The following MAP3K2 variants were observed in gnomAD, a reference collection of about 807,000 sequenced individuals.
MAP3K2 encodes MAP/ERK kinase kinase 2.
In MAP3K2, 24 loss-of-function variants were observed where a neutral mutation model predicts 80.3. The ratio of observed to expected loss-of-function variants is 0.30; its 90% confidence interval spans 0.22 to 0.42. The LOEUF is 0.42. Among genes scored for constraint, MAP3K2 ranks in the 10% least tolerant of loss-of-function variants. The pLI is 1.00. For missense variants in MAP3K2, 608 were observed against 750.1 expected, an observed-to-expected ratio of 0.81 and a Z score of 2.21; for synonymous variants, 244 against 253.7, an observed-to-expected ratio of 0.96 and a Z score of 0.36.
chr2:127,347,094 TAAC>T (rs2104854956), intron 1 of MAP3K2, among the ~76,000 whole-genome samples: 1 of 152,174 alleles, frequency 6.6e-6, no homozygotes, highest in South Asian at 2.1e-4. Flanking sequence ...GCTCAAAAGA[TAAC>T]AAACAGAAGA....
upstream of MAP3K2, chr2:127,388,280 A>G: frequency 1.0e-6 from 1 of 985,514 alleles, no homozygotes; most frequent in Non-Finnish European, 1.2e-6. Context: ...TAGTGGCCAG[A>G]TCCCAGACAT....
intron 8 of MAP3K2, among the ~76,000 whole-genome samples, chr2:127,326,162 T>A (rs11890187): frequency 6.6e-6 from 1 of 151,644 alleles, no homozygotes; most frequent in South Asian, 2.1e-4. Context: ...AACTGAACAA[T>A]GGCCCCACCC....
At chr2:127,358,562 A>T (rs915889791) in intron 1 of MAP3K2, among the ~76,000 whole-genome samples, 12 of 152,222 alleles carry the variant, frequency 7.9e-5, no homozygotes, top group Non-Finnish European at 1.5e-4. Context: ...TGGCATATCC[A>T]TATGACGGAA....
chr2:127,333,412 G>A (rs1415666111), intron 5 of MAP3K2, among the ~76,000 whole-genome samples: 1 of 152,022 alleles, frequency 6.6e-6, no homozygotes, highest in Admixed American at 6.6e-5. Flanking sequence ...AGTTTATAGA[G>A]TAACAGTTCA....
intron 1 of MAP3K2, among the ~76,000 whole-genome samples, chr2:127,385,595 C>T (rs1687329954): frequency 6.6e-6 from 1 of 152,060 alleles, no homozygotes; most frequent in Non-Finnish European, 1.5e-5. Flanking sequence ...GCAAATATGG[C>T]AAGATAACAA....
At chr2:127,385,569 T>C (rs1017568469) in intron 1 of MAP3K2, among the ~76,000 whole-genome samples, 1 of 152,226 alleles carries the variant, frequency 6.6e-6, no homozygotes, top group African/African-American at 2.4e-5. Context: ...TGCCTGTACA[T>C]GTACCTATAG....
At chr2:127,383,934 C>T (rs1327498707) in intron 1 of MAP3K2, among the ~76,000 whole-genome samples, 1 of 146,152 alleles carries the variant, frequency 6.8e-6, no homozygotes, top group Non-Finnish European at 1.5e-5. Context: ...AGTGCAGTGG[C>T]GCCATCTCTG....
chr2:127,322,284 T>G lies in MAP3K2; in HGVS notation c.839-32A>C, dbSNP rs771069319. ...AATGAAAAGAGAATGACCTTATACC[T>G]TTTATTAATATGTTATACTTTTAAA... is the stretch of plus-strand genomic sequence containing the variant. On this transcript the variant is annotated intron_variant, in intron 11 of 16. Transcript: ENST00000682094. This position sits in a 1 kb window ranked among gnomAD's most constrained non-coding sequence, Gnocchi z 4.2. 2 of 1,348,618 alleles carry G rather than the reference T, an allele frequency of 1.5e-6. No individual in the cohort carries two copies. 83.5% of individuals were successfully genotyped at this position (1,348,618 alleles called of 1,614,324 possible).
rs1015082547 is a variant in MAP3K2 at position 127,298,743 on chromosome 2, GTTAC to G, written c.*8832_*8835del. ...TTATATTCATTCCATAGTCCAGAAG[GTTAC>G]TTATTAGAGTAAGCCTTTGCACCAC... On this transcript the variant is annotated 3_prime_UTR_variant, in exon 17 of 17. Coordinates refer to ENST00000682094, the MANE Select transcript of MAP3K2 (RefSeq NM_001371910.2). 3.9e-5 allele frequency: 6 copies of G among 152,132 alleles called. No homozygotes were observed. The highest frequency in any genetic ancestry group is 1.3e-4 in the Admixed American group (2 of 15,284). The allele number at this position is 152,132 out of a possible 1,614,324, so 9.4% of individuals were successfully genotyped here. A position where few individuals can be genotyped will look rare whatever the true frequency, so the allele number is the denominator to read the frequency against.
At chr2:127,386,743 ATCTG>A (rs1450643069) in intron 1 of MAP3K2, among the ~76,000 whole-genome samples, 4 of 152,186 alleles carry the variant, frequency 2.6e-5, no homozygotes, top group Non-Finnish European at 2.9e-5. Flanking sequence ...ACTAAACTGT[ATCTG>A]TCTATGTGTT....
intron 1 of MAP3K2, among the ~76,000 whole-genome samples, chr2:127,352,997 A>G (rs1045700409): frequency 1.3e-5 from 2 of 152,064 alleles, no homozygotes; most frequent in Non-Finnish European, 2.9e-5. Context: ...TCGTTCACTC[A>G]GTGCTCAATG....
chr2:127,362,337 A>T (rs778557145), intron 1 of MAP3K2, among the ~76,000 whole-genome samples: 1 of 152,240 alleles, frequency 6.6e-6, no homozygotes, highest in Non-Finnish European at 1.5e-5. Flanking sequence ...TAAACGTTTA[A>T]GTTAATGTAA....
In MAP3K2 at chr2:127,378,488, AG is replaced by A. The variant is rs563702957; in HGVS notation, c.-66+8963del. On this transcript the variant is annotated intron_variant, in intron 1 of 16. Coordinates refer to ENST00000682094, the MANE Select transcript of MAP3K2 (RefSeq NM_001371910.2). ...TGTTCCCATCAACTTACCGAAAATT[AG>A]TTATATTTATAATTTACAGTTTGTA... Among the ~76,000 whole-genome samples the A allele has an allele frequency of 1.8e-3, 269 of 152,274 alleles. 2 individuals are homozygous for A. Among genetic ancestry groups the A allele is most frequent in the Middle Eastern group, 0.01 (3 of 294 alleles).
At position 127,307,848 on chromosome 2, in the gene MAP3K2, G is replaced by A; in HGVS notation, c.1635-44C>T. ...AAATACATTACACAAACAACAACAT[G>A]AAAGAAAGCTAGTTAGCTAGAAAAT... is the stretch of plus-strand genomic sequence containing the variant. On this transcript the variant is annotated intron_variant, in intron 16 of 16. Transcript: ENST00000682094. This position sits in a 1 kb window ranked among gnomAD's most constrained non-coding sequence, Gnocchi z 5.4. 1 of 1,331,496 alleles carries A rather than the reference G, an allele frequency of 7.5e-7. No homozygotes were observed. The highest frequency in any genetic ancestry group is 1.0e-6 in the Non-Finnish European group (1 of 957,970). The allele number at this position is 1,331,496 out of a possible 1,614,324, so 82.5% of individuals were successfully genotyped here. A position where few individuals can be genotyped will look rare whatever the true frequency, so the allele number is the denominator to read the frequency against.
intron 1 of MAP3K2, among the ~76,000 whole-genome samples, chr2:127,371,634 C>A (rs1173330369): frequency 2.0e-5 from 3 of 152,198 alleles, no homozygotes; most frequent in Non-Finnish European, 4.4e-5. Context: ...CTTACACAAG[C>A]ATGTCAACTG....
intron 1 of MAP3K2, among the ~76,000 whole-genome samples, chr2:127,362,431 T>C (rs2104874789): frequency 6.6e-6 from 1 of 152,372 alleles, no homozygotes; most frequent in Admixed American, 6.5e-5. Flanking sequence ...CTTAGGGGTT[T>C]CCCCCACCCC....
intron 1 of MAP3K2, among the ~76,000 whole-genome samples, chr2:127,362,842 G>A (rs1304172216): frequency 6.6e-6 from 1 of 152,144 alleles, no homozygotes; most frequent in Admixed American, 6.6e-5. Context: ...TTAAAAAATA[G>A]CTAACATTTA....
intron 2 of MAP3K2, among the ~76,000 whole-genome samples, chr2:127,341,095 T>G (rs1358651610): frequency 6.6e-6 from 1 of 151,898 alleles, no homozygotes; most frequent in Non-Finnish European, 1.5e-5. Flanking sequence ...GTTCACACCA[T>G]TCTCCTGCCT....
chr2:127,337,153 A>C (rs932234542), intron 4 of MAP3K2, among the ~76,000 whole-genome samples: 8 of 152,024 alleles, frequency 5.3e-5, no homozygotes, highest in African/African-American at 1.9e-4. Context: ...AAAAAAAAAA[A>C]TTCTATCGGC....
Sources: gnomAD v4.1 joint callset for allele counts (sites outside exome capture counted in the v4.1 genomes callset) on GRCh38, gnomAD v4.1.1 for gene constraint, Gnocchi (gnomAD v3.1) non-coding constraint, MANE v1.5 for transcripts, NCBI Gene and HGNC (gene_info 2026-07-23, HGNC 2026-07-21) for gene names.